Variants in RGS14 observed in about 807,000 individuals in gnomAD.
RGS14 encodes the protein regulator of G-protein signaling 14.
A neutral mutation model predicts 63.8 loss-of-function variants in RGS14; 33 were observed. The observed-to-expected ratio is 0.52, with a 90% confidence interval of 0.39 to 0.69. The LOEUF (loss-of-function observed/expected upper bound fraction) is 0.69. Among genes scored for constraint, RGS14 ranks in the 30% least tolerant of loss-of-function variants. The pLI, the probability that RGS14 is intolerant of heterozygous loss-of-function variation, is 0.00. For missense variants in RGS14, 739 were observed against 742.9 expected, an observed-to-expected ratio of 0.99 and a Z score of 0.06; for synonymous variants, 296 against 320.9, an observed-to-expected ratio of 0.92 and a Z score of 0.83.
At position 177,359,581 on chromosome 5, in the gene RGS14, G is replaced by A. The variant is rs1194996988; in HGVS notation, c.45+1512G>A. On this transcript the variant is annotated intron_variant, in intron 1 of 14. Transcript: ENST00000408923. The surrounding 1 kb of genome is among the most constrained non-coding windows in gnomAD (Gnocchi z 4.4). ...CTCAAAAGTCACCTAGAGCAGGGAGGGTGCCCCAAGGTCTGCCCCCAGTTC... is the reference window on the plus strand; with the variant it reads ...CTCAAAAGTCACCTAGAGCAGGGAGAGTGCCCCAAGGTCTGCCCCCAGTTC... 2.6e-5 allele frequency among the ~76,000 whole-genome samples: 4 copies of A among 152,184 alleles called. No homozygotes were observed. Among genetic ancestry groups the A allele is most frequent in the Non-Finnish European group, 4.4e-5 (3 of 68,032 alleles).
Position 177,371,608 on chromosome 5 carries a change from G to A in RGS14, c.1498+19G>A. On this transcript the variant is annotated intron_variant, in intron 14 of 14. Coordinates refer to ENST00000408923, the MANE Select transcript of RGS14 (RefSeq NM_006480.5). The surrounding 1 kb of genome is among the most constrained non-coding windows in gnomAD (Gnocchi z 6.1). ...ATCGAAGGTACATGGTGGATGAGCT[G>A]GGGATCAGAAAGACTAGGGCAGTGG... is the stretch of plus-strand genomic sequence containing the variant. The A allele has an allele frequency of 1.2e-6, 2 of 1,608,158 alleles. No individual in the cohort carries two copies. Among genetic ancestry groups the A allele is most frequent in the Non-Finnish European group, 1.7e-6 (2 of 1,174,604 alleles).
At chr5:177,367,854 T>TG in intron 7 of RGS14, 29 bp downstream of exon 7, 8 of 1,536,134 alleles carry the variant, frequency 5.2e-6, no homozygotes, top group Non-Finnish European at 7.0e-6. Context: ...AACAGAGATG[T>TG]GGGGAAGGCG....
In RGS14 at chr5:177,371,211, T is replaced by C; in HGVS notation, c.1301T>C (p.Val434Ala). The change falls in exon 12 of 15, where the codon GTG becomes GCG. Residue 434 changes from valine (V) to alanine (A), a missense_variant. By Grantham distance (64) the Val-to-Ala change is moderately conservative. Coordinates refer to ENST00000408923, the MANE Select transcript of RGS14 (RefSeq NM_006480.5). This position sits in a 1 kb window ranked among gnomAD's most constrained non-coding sequence, Gnocchi z 6.1. ...GATCTGGGGAAGCTAGTGAGCTCGGTGGCGGCCCAGAGACTGGTTTTGGAC... is the reference window on the plus strand; with the variant it reads ...GATCTGGGGAAGCTAGTGAGCTCGGCGGCGGCCCAGAGACTGGTTTTGGAC... ...PLDLGKLVSS[V>A]AAQRLVLDTL... 3.1e-6 allele frequency: 5 copies of C among 1,613,480 alleles called. No individual in the cohort carries two copies. Among genetic ancestry groups the C allele is most frequent in the Non-Finnish European group, 2.5e-6 (3 of 1,179,838 alleles).
intron 5 of RGS14, 140 bp from the exon 6 acceptor site, chr5:177,367,274 A>T: frequency 8.0e-7 from 1 of 1,253,880 alleles, no homozygotes; most frequent in Non-Finnish European, 1.1e-6. Flanking sequence ...GGGTGGGTAT[A>T]GGAACTGAGG....
intron 9 of RGS14, chr5:177,369,190 TC>T (rs769920968): frequency 6.1e-5 from 31 of 508,746 alleles, no homozygotes; most frequent in Non-Finnish European, 1.1e-4. Context: ...GGTTTGCCCC[TC>T]ATCATTCCCA....
chr5:177,363,014 G>C (rs1170446842), intron 1 of RGS14, among the ~76,000 whole-genome samples: 1 of 152,164 alleles, frequency 6.6e-6, no homozygotes, highest in East Asian at 1.9e-4. Context: ...CAGCGGAGGG[G>C]GGCGAGTCCG....
intron 10 of RGS14, 74 bp from the exon 11 acceptor site, chr5:177,370,831 C>T (rs1762222777): frequency 6.3e-7 from 1 of 1,577,648 alleles, no homozygotes; most frequent in Non-Finnish European, 8.6e-7. Flanking sequence ...GCTCCACCCC[C>T]TCGCGTTTGT....
At chr5:177,366,546 C>T in intron 3 of RGS14, 162 bp from the exon 4 acceptor site, 1 of 807,824 alleles carries the variant, frequency 1.2e-6, no homozygotes, top group Non-Finnish European at 2.0e-6. Context: ...CTCATTTTCT[C>T]TCCCTGTCTT....
Position 177,357,997 on chromosome 5 carries a change from G to A in RGS14, c.-28G>A, listed in dbSNP as rs768579325. The A allele has an allele frequency of 1.1e-4, 154 of 1,342,226 alleles. No homozygotes were observed. In the East Asian group the frequency reaches 3.8e-3, roughly 33 times the overall value. The allele number at this position is 1,342,226 out of a possible 1,614,324, so 83.1% of individuals were successfully genotyped here. ...ACAGTCCCCATGGTGGGCAGCCCCCGCGGCGGGGACCCCTGATCGGCAGCG... is the reference window on the plus strand; with the variant it reads ...ACAGTCCCCATGGTGGGCAGCCCCCACGGCGGGGACCCCTGATCGGCAGCG... On this transcript the variant is annotated 5_prime_UTR_variant, in exon 1 of 15. Coordinates refer to ENST00000408923, the MANE Select transcript of RGS14 (RefSeq NM_006480.5).
rs774836147 is a variant in RGS14 at position 177,367,367 on chromosome 5, C to G, written c.484-47C>G. ...CCCGGCCTGGGTGCAGGCAGCCCAG[C>G]GCCCCCACCCCAGCCCCGGCTCACC... is the stretch of plus-strand genomic sequence containing the variant. On this transcript the variant is annotated intron_variant, in intron 5 of 14. Coordinates refer to ENST00000408923, the MANE Select transcript of RGS14 (RefSeq NM_006480.5). 4.5e-6 allele frequency: 7 copies of G among 1,541,140 alleles called. No individual in the cohort carries two copies. In the African/African-American group the frequency reaches 5.5e-5, roughly 12 times the overall value.
At position 177,364,004 on chromosome 5, in the gene RGS14, A is replaced by C. The variant is rs1281773488; in HGVS notation, c.46-1959A>C. ...AAAATCTCTTGCTTTTTAAATGTGG[A>C]AAATACCTTTAAATAAAAATAATAA... On this transcript the variant is annotated intron_variant, in intron 1 of 14. Transcript: ENST00000408923. The surrounding 1 kb of genome is among the most constrained non-coding windows in gnomAD (Gnocchi z 4.6). Among the ~76,000 whole-genome samples, 5 of 152,224 alleles carry C rather than the reference A, an allele frequency of 3.3e-5. No homozygotes were observed. Among genetic ancestry groups the C allele is most frequent in the Admixed American group, 3.3e-4 (5 of 15,286 alleles).
intron 1 of RGS14, among the ~76,000 whole-genome samples, chr5:177,360,807 G>A (rs1487349366): frequency 6.6e-6 from 1 of 152,192 alleles, no homozygotes; most frequent in Non-Finnish European, 1.5e-5. Context: ...CAGCTACTTG[G>A]GAGGCTAAGG....
Position 177,358,039 on chromosome 5 carries a change from C to T in RGS14, c.15C>T (p.Pro5=). ...TCGGCAGCGGCATGCCAGGGAAGCC[C>T]AAGCACCTGGGCGTCCCCAACGGGC... The part of the protein sequence containing the change: MPGK[P]KHLGVPNGRM... The change falls in exon 1 of 15, where the codon CCC becomes CCT. Residue 5 remains proline (P), a synonymous_variant. Transcript: ENST00000408923. The surrounding 1 kb of genome is among the most constrained non-coding windows in gnomAD (Gnocchi z 4.8). The T allele has an allele frequency of 1.5e-6, 2 of 1,360,112 alleles. No homozygotes were observed. The highest frequency in any genetic ancestry group is 1.8e-5 in the South Asian group (1 of 54,518). The allele number at this position is 1,360,112 out of a possible 1,614,324, so 84.3% of individuals were successfully genotyped here. A position where few individuals can be genotyped will look rare whatever the true frequency, so the allele number is the denominator to read the frequency against.
Position 177,366,726 on chromosome 5 carries a change from T to C in RGS14, c.265T>C (p.Phe89Leu). The change falls in exon 4 of 15, where the codon TTC (phenylalanine) becomes CTC (leucine). Residue 89 changes from phenylalanine (F) to leucine (L), a missense_variant. Transcript: ENST00000408923. ...AYFTEFLKKE[F>L]SAENVTFWKA... is the part of the protein sequence containing the mutation. ...CTCCCAGGAGTTCCTGAAGAAGGAG[T>C]TCAGCGCGGAAAACGTGACTTTCTG... 1 of 1,613,048 alleles carries C rather than the reference T, an allele frequency of 6.2e-7. No individual in the cohort carries two copies. The highest frequency in any genetic ancestry group is 2.2e-5 in the East Asian group (1 of 44,832).
In RGS14 at chr5:177,367,832, G is replaced by T; in HGVS notation, c.739+7G>T. On this transcript the variant is annotated splice_region_variant and intron_variant, in intron 7 of 14. Coordinates refer to ENST00000408923, the MANE Select transcript of RGS14 (RefSeq NM_006480.5). ...CGCAAGTCCTTCCGCCGGGGTGAGG[G>T]CAGGAGCGAGCAACAGAGATGTGGG... 1.9e-6 allele frequency: 3 copies of T among 1,570,406 alleles called. No homozygotes were observed. Among genetic ancestry groups the T allele is most frequent in the Non-Finnish European group, 1.7e-6 (2 of 1,159,822 alleles).
At position 177,368,245 on chromosome 5, in the gene RGS14, C is replaced by G; in HGVS notation, c.828C>G (p.Ala276=). 1 of 1,613,296 alleles carries G rather than the reference C, an allele frequency of 6.2e-7. No homozygotes were observed. The highest frequency in any genetic ancestry group is 8.5e-7 in the Non-Finnish European group (1 of 1,179,442). The stretch of plus-strand genomic sequence containing the variant: ...CCAGCCTGGACCTTGGCTTCCTAGC[C>G]TTCGTCAGCAGCAAATCTGAGGTGA... ...SSASLDLGFL[A]FVSSKSESHR... The change falls in exon 8 of 15, where the codon GCC becomes GCG. Residue 276 remains alanine, a synonymous_variant. Transcript: ENST00000408923.
chr5:177,372,087 C>T lies in RGS14; in HGVS notation c.*12C>T. ...ACTCAGCCCTCTGACAGCTACCCAA[C>T]AGTCCAGGACAGCTGCATGGCACCC... On this transcript the variant is annotated 3_prime_UTR_variant, in exon 15 of 15. Transcript: ENST00000408923. 1.2e-6 allele frequency: 2 copies of T among 1,610,036 alleles called. No homozygotes were observed. Among genetic ancestry groups the T allele is most frequent in the Non-Finnish European group, 1.7e-6 (2 of 1,177,122 alleles).
rs1368960882 is a variant in RGS14 at position 177,364,076 on chromosome 5, CA to C, written c.46-1886del. Among the ~76,000 whole-genome samples the C allele has an allele frequency of 6.6e-6, 1 of 152,116 alleles. No individual in the cohort carries two copies. The highest frequency in any genetic ancestry group is 1.5e-5 in the Non-Finnish European group (1 of 68,044). ...GGGCCAAGGTAATAGTAATTTCCCA[CA>C]TATCTGCAGACCGGATCTGGCCCAC... On this transcript the variant is annotated intron_variant, in intron 1 of 14. Transcript: ENST00000408923. This position sits in a 1 kb window ranked among gnomAD's most constrained non-coding sequence, Gnocchi z 4.6.
At chr5:177,361,876 T>A (rs1428328983) in intron 1 of RGS14, among the ~76,000 whole-genome samples, 1 of 152,104 alleles carries the variant, frequency 6.6e-6, no homozygotes, top group Non-Finnish European at 1.5e-5. Flanking sequence ...TTCCCCTTTT[T>A]CTCCATTCAC....
Sources: allele counts gnomAD v4.1 joint callset (sites outside exome capture counted in the v4.1 genomes callset), GRCh38; gene constraint gnomAD v4.1.1; non-coding constraint Gnocchi (gnomAD v3.1); transcripts MANE v1.5; gene names NCBI Gene and HGNC (gene_info 2026-07-23, HGNC 2026-07-21).